Variants in TAS2R1 observed in about 807,000 individuals in gnomAD.
The protein encoded by TAS2R1 is taste 2 receptor member 1, also known as taste receptor type 2 member 1.
For missense variants in TAS2R1, 370 were observed against 353.4 expected (o/e 1.05, Z -0.38); for synonymous variants, 141 against 134.2 (o/e 1.05, Z -0.35).
At chr5:9,689,935 ATTC>A (rs1741205994) in intron 1 of TAS2R1, among the ~76,000 whole-genome samples, 1 of 152,194 alleles carries the variant, frequency 6.6e-6, no homozygotes, top group African/African-American at 2.4e-5. Flanking sequence ...CATCATTTCT[ATTC>A]TTATTTAACA....
the TAS2R1 span, among the ~76,000 whole-genome samples, chr5:9,751,046 A>C: frequency 2.6e-5 from 4 of 151,670 alleles, no homozygotes. Flanking sequence ...ATGCAGAATA[A>C]GAATAGACTG....
At chr5:9,878,227 C>A in the TAS2R1 span, among the ~76,000 whole-genome samples, 1 of 152,094 alleles carries the variant, frequency 6.6e-6, no homozygotes, top group Non-Finnish European at 1.5e-5. Context: ...GAACACCATC[C>A]AGGGTGTTTT....
chr5:9,786,197 C>A, the TAS2R1 span, among the ~76,000 whole-genome samples: 1 of 152,038 alleles, frequency 6.6e-6, no homozygotes, highest in African/African-American at 2.4e-5. Flanking sequence ...GGTTCCAGGC[C>A]CTGAGTTGAG....
At chr5:9,760,643 C>A in the TAS2R1 span, among the ~76,000 whole-genome samples, 4 of 152,096 alleles carry the variant, frequency 2.6e-5, no homozygotes, top group Non-Finnish European at 4.4e-5. Context: ...ATCTAACACC[C>A]AGTCATGATG....
the TAS2R1 span, among the ~76,000 whole-genome samples, chr5:9,854,125 C>T: frequency 6.6e-6 from 1 of 152,164 alleles, no homozygotes; most frequent in Admixed American, 6.5e-5. Context: ...GGAGAATCTG[C>T]TTCAGCCTCT....
the TAS2R1 span, among the ~76,000 whole-genome samples, chr5:9,891,869 A>C: frequency 6.6e-6 from 1 of 152,216 alleles, no homozygotes; most frequent in African/African-American, 2.4e-5. Context: ...ACTCACAATC[A>C]TACTTGACCC....
At chr5:9,763,357 G>T in the TAS2R1 span, among the ~76,000 whole-genome samples, 1 of 152,088 alleles carries the variant, frequency 6.6e-6, no homozygotes, top group African/African-American at 2.4e-5. Flanking sequence ...ACAAAAATTA[G>T]CTGGGCATAG....
chr5:9,853,205 A>G, the TAS2R1 span, among the ~76,000 whole-genome samples: 1 of 152,198 alleles, frequency 6.6e-6, no homozygotes, highest in East Asian at 1.9e-4. Context: ...TTTTCCCAGG[A>G]AAGAATTCAA....
the TAS2R1 span, among the ~76,000 whole-genome samples, chr5:9,879,263 TGGA>T: frequency 6.6e-6 from 1 of 152,258 alleles, no homozygotes; most frequent in African/African-American, 2.4e-5. Flanking sequence ...TGAACCATAT[TGGA>T]GCTAGAAGCA....
chr5:9,638,870 C>T (rs1258323054), intron 2 of TAS2R1, among the ~76,000 whole-genome samples: 1 of 152,160 alleles, frequency 6.6e-6, no homozygotes, highest in Non-Finnish European at 1.5e-5. Context: ...TTGGCTACCT[C>T]TGCTGTATCA....
In TAS2R1 at chr5:9,629,620, G is replaced by A. The variant is rs751278909; in HGVS notation, c.413C>T (p.Ser138Phe). ...TTTGCTATGGAAAACACAAATCATA[G>A]ATACATATAGCAGAGACCCCAGGAT... ...WMILGSLLYV[S>F]MICVFHSKYA... Residue 138 changes from serine (S) to phenylalanine (F), a missense_variant, in exon 1 of 1, where the codon TCT becomes TTT. Transcript: ENST00000382492. The A allele has an allele frequency of 1.9e-6, 3 of 1,614,002 alleles. No individual in the cohort carries two copies. The highest frequency in any genetic ancestry group is 2.7e-5 in the African/African-American group (2 of 74,890).
the TAS2R1 span, among the ~76,000 whole-genome samples, chr5:9,726,567 C>G: frequency 6.6e-6 from 1 of 152,172 alleles, no homozygotes. Context: ...CTGTGAAGGT[C>G]TATAGCTTCA....
chr5:9,693,037 CT>C (rs1385173995), intron 1 of TAS2R1, among the ~76,000 whole-genome samples: 3 of 152,130 alleles, frequency 2.0e-5, no homozygotes, highest in Non-Finnish European at 4.4e-5. Context: ...AAAAGAAGAG[CT>C]TTCAAGGGCT....
At chr5:9,645,371 G>A (rs6555610) in intron 2 of TAS2R1, among the ~76,000 whole-genome samples, 73 of 152,218 alleles carry the variant, frequency 4.8e-4, no homozygotes, top group African/African-American at 1.5e-3. Flanking sequence ...AATGCTATGC[G>A]TGCATTTAGC....
At chr5:9,888,432 A>G in the TAS2R1 span, among the ~76,000 whole-genome samples, 1 of 152,184 alleles carries the variant, frequency 6.6e-6, no homozygotes, top group African/African-American at 2.4e-5. Context: ...CTAATTCCCA[A>G]GCTCCTACGA....
rs60398482 is a variant in TAS2R1, at chr5:9,650,856, T to C, written c.-81+8565A>G. The stretch of plus-strand genomic sequence containing the variant: ...CATAAACTATTTTTCTTCGCTGCTA[T>C]ATACCCAGTAACTAGATGGTGCTTG... On this transcript the variant is annotated intron_variant, in intron 2 of 2. Coordinates refer to the TAS2R1 transcript ENST00000506620. Among the ~76,000 whole-genome samples, 765 of 152,304 alleles carry C rather than the reference T, an allele frequency of 5.0e-3. 5 individuals carry two copies. Among genetic ancestry groups the C allele is most frequent in the African/African-American group, 0.018 (737 of 41,564 alleles).
chr5:9,661,548 G>A (rs1275201409), intron 1 of TAS2R1, among the ~76,000 whole-genome samples: 1 of 152,170 alleles, frequency 6.6e-6, no homozygotes, highest in African/African-American at 2.4e-5. Context: ...TCGCAATCTG[G>A]TTCTAATATC....
the TAS2R1 span, among the ~76,000 whole-genome samples, chr5:9,753,233 T>C: frequency 1.3e-5 from 2 of 152,246 alleles, no homozygotes; most frequent in African/African-American, 4.8e-5. Context: ...ATTTTAATGA[T>C]CACCATTCTA....
intron 1 of TAS2R1, among the ~76,000 whole-genome samples, chr5:9,690,276 C>T (rs561238975): frequency 8.5e-5 from 13 of 152,154 alleles, no homozygotes; most frequent in African/African-American, 2.2e-4. Context: ...TGAAGATGTA[C>T]CTTTCTTAAT....
Sources: gnomAD v4.1 joint callset for allele counts (sites outside exome capture counted in the v4.1 genomes callset) on GRCh38, gnomAD v4.1.1 for gene constraint, MANE v1.5 for transcripts, NCBI Gene and HGNC (gene_info 2026-07-23, HGNC 2026-07-21) for gene names.